ORC3: variants seen among roughly 807,000 people sequenced by gnomAD.
ORC3 encodes homolog of latheo, Drosophila.
In ORC3, 78 loss-of-function variants were observed where a neutral mutation model predicts 100.7. That is an observed-to-expected ratio of 0.77 (90% confidence interval 0.65 to 0.94). ORC3 has a LOEUF of 0.94. Ranked by LOEUF, ORC3 falls within the 40% of genes least tolerant of loss-of-function variation. The pLI, the probability that ORC3 is intolerant of heterozygous loss-of-function variation, is 0.00. For synonymous variants in ORC3, 295 were observed against 289.3 expected, an observed-to-expected ratio of 1.02 and a Z score of -0.20; for missense variants, 789 against 823.9, an observed-to-expected ratio of 0.96 and a Z score of 0.52.
Position 87,621,948 on chromosome 6 carries a change from A to G in ORC3, c.1122-2A>G, listed in dbSNP as rs1779563651. The G allele has an allele frequency of 6.3e-7, 1 of 1,596,878 alleles. No homozygotes were observed. The highest frequency in any genetic ancestry group is 8.6e-7 in the Non-Finnish European group (1 of 1,166,604). ...TTATGTATGGAATGGTGAAAATTCT[A>G]GGTACGTGGAAAAGCAAGCTTCAGA... is the stretch of plus-strand genomic sequence containing the variant. On this transcript the variant is annotated splice_acceptor_variant, in intron 10 of 19. Transcript: ENST00000392844. LOFTEE classifies it high-confidence loss of function.
At chr6:87,636,381 C>T (rs769745072) in intron 12 of ORC3, 26 bp from the exon 13 acceptor site, 1 of 1,474,350 alleles carries the variant, frequency 6.8e-7, no homozygotes, top group Admixed American at 1.8e-5. Flanking sequence ...CTTTTGGTTC[C>T]TCACAAATGT....
chr6:87,645,844 A>T (rs867651664), intron 13 of ORC3, among the ~76,000 whole-genome samples: 3 of 152,186 alleles, frequency 2.0e-5, no homozygotes, highest in Non-Finnish European at 2.9e-5. Flanking sequence ...AAACTTTTTT[A>T]AAAAATGACA....
chr6:87,631,393 A>G (rs1767398179), intron 11 of ORC3, among the ~76,000 whole-genome samples: 1 of 152,244 alleles, frequency 6.6e-6, no homozygotes, highest in Non-Finnish European at 1.5e-5. Context: ...GTGTGCAGAA[A>G]AAGTGCCTGA....
chr6:87,624,513 T>C (rs1779753708), intron 11 of ORC3, among the ~76,000 whole-genome samples: 1 of 152,146 alleles, frequency 6.6e-6, no homozygotes, highest in South Asian at 2.1e-4. Context: ...GAATGTGTCT[T>C]GATTTTTTAG....
At chr6:87,668,292 T>C (rs28381553), downstream of ORC3, among the ~76,000 whole-genome samples, 4,776 of 152,310 alleles carry the variant, frequency 0.031, 248 homozygotes, top group African/African-American at 0.11. Flanking sequence ...ATTATGTGTG[T>C]GTGCCCGTGT....
Position 87,664,749 on chromosome 6 carries a change from G to A in ORC3, c.1840G>A (p.Ala614Thr). The stretch of plus-strand genomic sequence containing the variant: ...GTTTACTGTTAATTGTTAGAATGAA[G>A]CACTGAAAAGCGAAGAAGGCTGCAT... ...NNPYYYLKNEALKSEEGCIPN... is the reference protein window; with the variant it reads ...NNPYYYLKNETLKSEEGCIPN... The change falls in exon 18 of 20, where the codon GCA (alanine) becomes ACA (threonine). Residue 614 changes from alanine (A) to threonine (T), a missense_variant. This residue lies in a region of ORC3 where 366 missense variants were observed against 394.2 expected (regional missense o/e 0.93). Coordinates refer to ENST00000392844, the MANE Select transcript of ORC3 (RefSeq NM_012381.4). 1.9e-6 allele frequency: 3 copies of A among 1,612,660 alleles called. No homozygotes were observed. The highest frequency in any genetic ancestry group is 2.5e-6 in the Non-Finnish European group (3 of 1,178,692).
intron 11 of ORC3, among the ~76,000 whole-genome samples, chr6:87,627,594 C>T (rs1176294261): frequency 2.0e-5 from 3 of 151,976 alleles, no homozygotes; most frequent in African/African-American, 7.3e-5. Context: ...CCACACCCAG[C>T]CAATATGAAC....
At chr6:87,645,484 T>C (rs1376845109) in intron 13 of ORC3, among the ~76,000 whole-genome samples, 1 of 152,266 alleles carries the variant, frequency 6.6e-6, no homozygotes, top group African/African-American at 2.4e-5. Flanking sequence ...CTTAATTTTT[T>C]TACATGCTTT....
chr6:87,611,636 A>G (rs1009081631), intron 7 of ORC3, among the ~76,000 whole-genome samples: 2 of 152,044 alleles, frequency 1.3e-5, no homozygotes, highest in Non-Finnish European at 2.9e-5. Flanking sequence ...AAATTAAAAA[A>G]TTAGGCATGG....
At chr6:87,670,735 A>G (rs185087920), downstream of ORC3, among the ~76,000 whole-genome samples, 2 of 152,312 alleles carry the variant, frequency 1.3e-5, no homozygotes, top group East Asian at 3.9e-4. Context: ...AAAAGTACCA[A>G]GCATGTGCCA....
At chr6:87,649,561 A>G (rs1243643794) in intron 13 of ORC3, among the ~76,000 whole-genome samples, 7 of 152,230 alleles carry the variant, frequency 4.6e-5, no homozygotes, top group Non-Finnish European at 1.0e-4. Flanking sequence ...CAGCCTGACC[A>G]GCATGGAGAA....
At chr6:87,671,666 G>C (rs1373483231), downstream of ORC3, among the ~76,000 whole-genome samples, 3 of 152,140 alleles carry the variant, frequency 2.0e-5, no homozygotes, top group Non-Finnish European at 4.4e-5. Context: ...AGCCAGTAAA[G>C]GAGAAACGTC....
downstream of ORC3, among the ~76,000 whole-genome samples, chr6:87,669,220 G>T (rs1486148527): frequency 6.6e-6 from 1 of 152,150 alleles, no homozygotes; most frequent in Non-Finnish European, 1.5e-5. Flanking sequence ...ATGTTGCCAA[G>T]GCTAAAAGGA....
chr6:87,662,123 C>T lies in ORC3; in HGVS notation c.1692-880C>T, dbSNP rs555943967. Among the ~76,000 whole-genome samples the T allele has an allele frequency of 7.2e-5, 11 of 151,930 alleles. No individual in the cohort carries two copies. The East Asian group carries it at 2.1e-3, about 29-fold the overall frequency. ...TGCCTTCTAACGTAATAAGTAATTC[C>T]AATATATAAAAAACTTTTGGGCCGG... On this transcript the variant is annotated intron_variant, in intron 16 of 19. Transcript: ENST00000392844.
intron 2 of ORC3, among the ~76,000 whole-genome samples, chr6:87,601,348 G>C (rs1403374363): frequency 6.6e-6 from 1 of 152,118 alleles, no homozygotes; most frequent in African/African-American, 2.4e-5. Context: ...AATGTTACCT[G>C]TCCCCAAATA....
intron 13 of ORC3, among the ~76,000 whole-genome samples, chr6:87,644,042 C>CCAATGTGG (rs1438427432): frequency 6.7e-6 from 1 of 149,402 alleles, no homozygotes; most frequent in Admixed American, 6.7e-5. Flanking sequence ...ATTGAATCCA[C>CCAATGTGG]CAATGTGGGA....
At chr6:87,611,234 G>A (rs139493916) in intron 7 of ORC3, among the ~76,000 whole-genome samples, 193 of 152,002 alleles carry the variant, frequency 1.3e-3, no homozygotes, top group African/African-American at 3.9e-3. Context: ...ATCGCACCCA[G>A]CCCAGATCCT....
intron 13 of ORC3, among the ~76,000 whole-genome samples, chr6:87,645,974 C>CT (rs1015073916): frequency 1.2e-3 from 162 of 132,712 alleles, no homozygotes; most frequent in African/African-American, 4.0e-3. Context: ...ATAATTTTTT[C>CT]TTTTTTTTTC....
intron 9 of ORC3, among the ~76,000 whole-genome samples, chr6:87,616,831 C>G (rs1479055072): frequency 4.0e-5 from 6 of 150,896 alleles, no homozygotes; most frequent in African/African-American, 1.5e-4. Flanking sequence ...GATGGAGTTT[C>G]ACTTTGTTGC....
Sources: gnomAD v4.1 joint callset for allele counts (sites outside exome capture counted in the v4.1 genomes callset) on GRCh38, gnomAD v4.1.1 for gene constraint, gnomAD v4.1.1 regional missense constraint, MANE v1.5 for transcripts, NCBI Gene and HGNC (gene_info 2026-07-23, HGNC 2026-07-21) for gene names.